Variants in APBB2 observed in about 807,000 individuals in gnomAD.
APBB2 encodes Fe65-like 1.
APBB2 carries 38 observed loss-of-function variants against 82.5 expected under a neutral mutation model. The ratio of observed to expected loss-of-function variants is 0.46; its 90% CI spans 0.36 to 0.60. APBB2 has a LOEUF of 0.60. APBB2 is among the 20% of genes least tolerant of loss of function. The pLI, the probability that APBB2 is intolerant of heterozygous loss-of-function variation, is 0.00. For synonymous variants in APBB2, 341 were observed against 368.2 expected, an observed-to-expected ratio of 0.93 and a Z score of 0.85; for missense variants, 772 against 972.3, an observed-to-expected ratio of 0.79 and a Z score of 2.74.
intron 6 of APBB2, among the ~76,000 whole-genome samples, chr4:40,998,987 AT>A (rs765675270): frequency 1.5e-4 from 23 of 152,204 alleles, no homozygotes; most frequent in Non-Finnish European, 2.8e-4. Context: ...CTTATAGTTT[AT>A]TTCTAGAATT....
rs970970065 is a variant in APBB2, at chr4:40,842,432, G to A, written c.1530-11855C>T. On this transcript the variant is annotated intron_variant, in intron 12 of 17. Coordinates refer to ENST00000508593, the MANE Select transcript of APBB2 (RefSeq NM_004307.2). Reference sequence around the variant, plus strand: ...AGAAACAACACGTTAGCATTCACACGGCATCCCGCCAATAACACAGCCCCG... The same window carrying A: ...AGAAACAACACGTTAGCATTCACACAGCATCCCGCCAATAACACAGCCCCG... 4.2e-5 allele frequency: 19 copies of A among 447,458 alleles called. No homozygotes were observed. In the Middle Eastern group the frequency reaches 9.8e-4, roughly 23 times the overall value. The allele number at this position is 447,458 out of a possible 1,614,324, so 27.7% of individuals were successfully genotyped here.
intron 6 of APBB2, among the ~76,000 whole-genome samples, chr4:40,959,904 A>G (rs1792620546): frequency 6.6e-6 from 1 of 152,148 alleles, no homozygotes; most frequent in South Asian, 2.1e-4. Context: ...TATTATTCCC[A>G]TTTTACTAAA....
chr4:40,836,271 G>C (rs541078692), intron 12 of APBB2, among the ~76,000 whole-genome samples: 201 of 152,314 alleles, frequency 1.3e-3, no homozygotes, highest in Non-Finnish European at 2.2e-3. Context: ...CAGGTCAGGA[G>C]TTCAAGACCA....
chr4:41,052,353 T>C (rs547531988), intron 4 of APBB2, among the ~76,000 whole-genome samples: 1 of 152,286 alleles, frequency 6.6e-6, no homozygotes, highest in African/African-American at 2.4e-5. Flanking sequence ...CATAAGCCGT[T>C]CTTCTCCTAC....
intron 2 of APBB2, among the ~76,000 whole-genome samples, chr4:41,134,317 T>C (rs528608988): frequency 9.8e-4 from 149 of 152,096 alleles, no homozygotes; most frequent in East Asian, 4.3e-3. Flanking sequence ...CAGTGGCTCA[T>C]GCCTGTAATC....
intron 12 of APBB2, 76 bp downstream of exon 12, chr4:40,890,288 C>T (rs1771592247): frequency 7.2e-6 from 11 of 1,521,382 alleles, no homozygotes; most frequent in Admixed American, 2.1e-5. Flanking sequence ...TGAAATGCTG[C>T]GAGCCCATGC....
chr4:41,044,944 C>T (rs1722852043), intron 4 of APBB2, among the ~76,000 whole-genome samples: 1 of 152,106 alleles, frequency 6.6e-6, no homozygotes, highest in Non-Finnish European at 1.5e-5. Flanking sequence ...TTTCTCCTCT[C>T]CTATTACCTG....
At chr4:40,972,859 C>T (rs1343782302) in intron 6 of APBB2, among the ~76,000 whole-genome samples, 1 of 152,202 alleles carries the variant, frequency 6.6e-6, no homozygotes, top group African/African-American at 2.4e-5. Flanking sequence ...ATCCCCAGGG[C>T]CTGTCTAAGA....
intron 10 of APBB2, among the ~76,000 whole-genome samples, chr4:40,911,187 T>C (rs58144480): frequency 0.03 from 4,605 of 152,280 alleles, 211 homozygotes; most frequent in African/African-American, 0.099. Context: ...AATAGAGTAT[T>C]TGCAGGATGC....
chr4:41,080,624 C>T (rs185390196), intron 3 of APBB2, among the ~76,000 whole-genome samples: 6 of 151,868 alleles, frequency 4.0e-5, no homozygotes, highest in Admixed American at 3.3e-4. Context: ...AGATCAATCC[C>T]TCAGTCACAA....
intron 12 of APBB2, among the ~76,000 whole-genome samples, chr4:40,864,486 A>C (rs1026397685): frequency 1.3e-5 from 2 of 152,202 alleles, no homozygotes; most frequent in African/African-American, 2.4e-5. Flanking sequence ...TGGAAAAAAA[A>C]CAAAAGAAAT....
intron 10 of APBB2, among the ~76,000 whole-genome samples, chr4:40,930,420 A>AGTGTGTGTGTGTGTGTGT (rs566261600): frequency 6.9e-6 from 1 of 145,796 alleles, no homozygotes; most frequent in African/African-American, 2.6e-5. Flanking sequence ...TCTTTGGGGA[A>AGTGTGTGTGTGTGTGTGT]GTGTGTGTGT....
intron 10 of APBB2, among the ~76,000 whole-genome samples, chr4:40,898,473 C>T (rs1193234966): frequency 1.3e-5 from 2 of 152,142 alleles, no homozygotes; most frequent in African/African-American, 4.8e-5. Context: ...CCATGTTGGC[C>T]AGGCTGGTCT....
intron 6 of APBB2, among the ~76,000 whole-genome samples, chr4:40,970,704 G>A (rs1795734412): frequency 6.6e-6 from 1 of 151,998 alleles, no homozygotes; most frequent in Non-Finnish European, 1.5e-5. Flanking sequence ...CCACTGGTAG[G>A]TAGAGGCCAG....
rs148948724 is a variant in APBB2 at position 40,983,543 on chromosome 4, A to G, written c.835+30040T>C. 4.8e-3 allele frequency among the ~76,000 whole-genome samples: 729 copies of G among 151,918 alleles called. 5 individuals are homozygous for G. The highest frequency in any genetic ancestry group is 7.9e-3 in the Non-Finnish European group (536 of 67,992). ...GCTGACTTAGTACAATGTCACAGGGAGTCCAAGTTTCTTAACGAAGAGTCC... is the reference window on the plus strand; with the variant it reads ...GCTGACTTAGTACAATGTCACAGGGGGTCCAAGTTTCTTAACGAAGAGTCC... On this transcript the variant is annotated intron_variant, in intron 6 of 17. Coordinates refer to ENST00000508593, the MANE Select transcript of APBB2 (RefSeq NM_004307.2).
chr4:41,029,593 T>C (rs1452124405), intron 5 of APBB2, among the ~76,000 whole-genome samples: 1 of 152,238 alleles, frequency 6.6e-6, no homozygotes, highest in Non-Finnish European at 1.5e-5. Context: ...ATGTATCACA[T>C]ACTTTTTAAT....
chr4:41,204,525 A>G (rs1777471501), intron 1 of APBB2, among the ~76,000 whole-genome samples: 1 of 152,196 alleles, frequency 6.6e-6, no homozygotes, highest in Admixed American at 6.5e-5. Context: ...TTCTCCTGGA[A>G]GCTTTGCCCC....
intron 10 of APBB2, among the ~76,000 whole-genome samples, chr4:40,908,944 G>A (rs565050008): frequency 2.7e-4 from 41 of 152,284 alleles, no homozygotes; most frequent in African/African-American, 9.4e-4. Context: ...CCAGGGAACC[G>A]ACTAACTGCC....
intron 6 of APBB2, among the ~76,000 whole-genome samples, chr4:40,997,339 A>C (rs1002014016): frequency 6.6e-6 from 1 of 152,220 alleles, no homozygotes; most frequent in Non-Finnish European, 1.5e-5. Context: ...GTGTTTCAGC[A>C]ACATTAACAC....
Sources: gnomAD v4.1 joint callset for allele counts (sites outside exome capture counted in the v4.1 genomes callset) on GRCh38, gnomAD v4.1.1 for gene constraint, MANE v1.5 for transcripts, NCBI Gene and HGNC (gene_info 2026-07-23, HGNC 2026-07-21) for gene names.